The following LAMB4 variants were observed in gnomAD, a reference collection of about 807,000 sequenced individuals.
LAMB4 encodes the protein laminin subunit beta 4, also known as laminin subunit beta-4.
Under a neutral mutation model 199.2 loss-of-function variants are expected in LAMB4, and 196 were observed. That is an observed-to-expected ratio of 0.98 (90% CI 0.88 to 1.11). LAMB4 has a LOEUF of 1.11. Ranked by LOEUF, LAMB4 falls within the 50% of genes least tolerant of loss-of-function variation. The pLI, the probability that LAMB4 is intolerant of heterozygous loss-of-function variation, is 0.00. For missense variants in LAMB4, 2,080 were observed against 2,171.2 expected, an observed-to-expected ratio of 0.96 and a Z score of 0.83; for synonymous variants, 744 against 770.6, an observed-to-expected ratio of 0.97 and a Z score of 0.57.
intron 12 of LAMB4, among the ~76,000 whole-genome samples, chr7:108,094,393 C>T (rs2037520211): frequency 6.6e-6 from 1 of 151,782 alleles, no homozygotes; most frequent in Admixed American, 6.6e-5. Context: ...TTCCAGAATC[C>T]CTTCTTCATA....
intron 14 of LAMB4, among the ~76,000 whole-genome samples, chr7:108,083,278 A>G (rs2037028372): frequency 6.6e-6 from 1 of 152,138 alleles, no homozygotes; most frequent in South Asian, 2.1e-4. Flanking sequence ...CTCTGTCACA[A>G]TATAGCCCAA....
chr7:108,032,110 C>A (rs1207911095), intron 31 of LAMB4, among the ~76,000 whole-genome samples: 1 of 152,150 alleles, frequency 6.6e-6, no homozygotes, highest in Non-Finnish European at 1.5e-5. Flanking sequence ...CAATTTGTGG[C>A]TGGGCACGGT....
Position 108,105,924 on chromosome 7 carries a change from C to G in LAMB4, c.763G>C (p.Ala255Pro). ...CCCCGAACAATCATCTCGTACAGAGCATAGTAGTATTTATCAAGGGAATCA... is the reference window on the plus strand; with the variant it reads ...CCCCGAACAATCATCTCGTACAGAGGATAGTAGTATTTATCAAGGGAATCA... ...QNDSLDKYYYALYEMIVRGSC... is the reference protein window; with the variant it reads ...QNDSLDKYYYPLYEMIVRGSC... The change falls in exon 8 of 34, where the codon GCT becomes CCT. Residue 255 changes from alanine to proline, a missense_variant. Physicochemically the swap from Ala to Pro is conservative, Grantham distance 27. Coordinates refer to ENST00000388781, the MANE Select transcript of LAMB4 (RefSeq NM_007356.3). 1 of 1,614,196 alleles carries G rather than the reference C, an allele frequency of 6.2e-7. No homozygotes were observed. The highest frequency in any genetic ancestry group is 8.5e-7 in the Non-Finnish European group (1 of 1,180,020).
At chr7:108,063,618 C>T (rs191147175) in intron 22 of LAMB4, 143 bp downstream of exon 22, 37 of 737,048 alleles carry the variant, frequency 5.0e-5, no homozygotes, top group Middle Eastern at 3.9e-4. Flanking sequence ...TGATGAGTTC[C>T]GTACAACAGC....
At chr7:108,077,422 T>C (rs1053878808) in intron 16 of LAMB4, among the ~76,000 whole-genome samples, 1 of 152,154 alleles carries the variant, frequency 6.6e-6, no homozygotes, top group Non-Finnish European at 1.5e-5. Flanking sequence ...CGGCAGGGCA[T>C]GGTGGCTCAC....
At chr7:108,021,632 C>T (rs1323631217), downstream of LAMB4, among the ~76,000 whole-genome samples, 1 of 151,716 alleles carries the variant, frequency 6.6e-6, no homozygotes, top group East Asian at 1.9e-4. Flanking sequence ...TCGCATGAAG[C>T]CGGGAGGCTG....
chr7:108,119,432 G>T (rs1377317530), intron 2 of LAMB4, among the ~76,000 whole-genome samples: 1 of 152,132 alleles, frequency 6.6e-6, no homozygotes, highest in Admixed American at 6.5e-5. Context: ...TCTGTACCAT[G>T]GAACCTAGCA....
At chr7:108,102,423 A>T (rs1584755977) in intron 10 of LAMB4, among the ~76,000 whole-genome samples, 1 of 152,190 alleles carries the variant, frequency 6.6e-6, no homozygotes, top group African/African-American at 2.4e-5. Flanking sequence ...TGCAAAATAT[A>T]TGAGTTTACC....
At position 108,024,706 on chromosome 7, in the gene LAMB4, G is replaced by A. The variant is rs146343376; in HGVS notation, c.5147-528C>T. Among the ~76,000 whole-genome samples the A allele has an allele frequency of 2.6e-3, 335 of 130,638 alleles. 5 individuals carry two copies. The highest frequency in any genetic ancestry group is 0.013 in the African/African-American group (320 of 24,470). 85.7% of individuals were successfully genotyped at this position (130,638 alleles called of 152,430 possible). On this transcript the variant is annotated intron_variant, in intron 33 of 33. Transcript: ENST00000388781. ...CGACCCATCCATTGACCCATCCATCGATCCATTGATCCATCCATCCATCCA... is the reference window on the plus strand; with the variant it reads ...CGACCCATCCATTGACCCATCCATCAATCCATTGATCCATCCATCCATCCA...
In LAMB4 at chr7:108,029,127, C is replaced by G. The variant is rs2034941200; in HGVS notation, c.5062G>C (p.Glu1688Gln). Residue 1688 changes from glutamate to glutamine, a missense_variant, in exon 33 of 34, where the codon GAG (glutamate) becomes CAG (glutamine). Transcript: ENST00000388781. ...RKTSTTGLTKETLGKVKQLKD... is the reference protein window; with the variant it reads ...RKTSTTGLTKQTLGKVKQLKD... ...AGCTGTTTAACTTTTCCTAATGTCT[C>G]CTTTGTTAGTCCTGTAGTGCTTGTC... 1 of 1,613,902 alleles carries G rather than the reference C, an allele frequency of 6.2e-7. No homozygotes were observed. Among genetic ancestry groups the G allele is most frequent in the African/African-American group, 1.3e-5 (1 of 74,924 alleles).
At chr7:108,045,452 C>G (rs1168479582) in intron 28 of LAMB4, among the ~76,000 whole-genome samples, 1 of 152,210 alleles carries the variant, frequency 6.6e-6, no homozygotes, top group Non-Finnish European at 1.5e-5. Context: ...ACCATTTCAT[C>G]AACATGACAT....
At chr7:108,025,389 T>TTTCTTTC (rs1554420520) in intron 33 of LAMB4, among the ~76,000 whole-genome samples, 2 of 91,186 alleles carry the variant, frequency 2.2e-5, no homozygotes, top group African/African-American at 1.6e-4. Context: ...TTTTCTTTTC[T>TTTCTTTC]TTTCTTTCTT....
chr7:108,025,984 T>G (rs973265864), intron 33 of LAMB4, among the ~76,000 whole-genome samples: 1 of 152,176 alleles, frequency 6.6e-6, no homozygotes, highest in South Asian at 2.1e-4. Flanking sequence ...GGTCAGAGGA[T>G]AGGAGGATGA....
Position 108,103,184 on chromosome 7 carries a change from G to A in LAMB4, c.1040C>T (p.Thr347Met), listed in dbSNP as rs906717739. ...HSSRCHFDMT[T>M]YLASGGLSGG... ...GCTGAGGCCACCGCTTGCCAGGTACGTAGTCATGTCAAAGTGACAGCGGCT... is the reference window on the plus strand; with the variant it reads ...GCTGAGGCCACCGCTTGCCAGGTACATAGTCATGTCAAAGTGACAGCGGCT... The change falls in exon 10 of 34, where the codon ACG (threonine) becomes ATG (methionine). Residue 347 changes from threonine (T) to methionine (M), a missense_variant. Transcript: ENST00000388781. 6 of 1,596,368 alleles carry A rather than the reference G, an allele frequency of 3.8e-6. No individual in the cohort carries two copies. The highest frequency in any genetic ancestry group is 1.8e-5 in the Admixed American group (1 of 56,886).
intron 29 of LAMB4, among the ~76,000 whole-genome samples, chr7:108,039,699 A>C (rs960924924): frequency 6.6e-5 from 10 of 151,892 alleles, no homozygotes; most frequent in African/African-American, 2.4e-4. Flanking sequence ...ACACTCCTGA[A>C]CTCATGTGAT....
rs191356239 is a variant in LAMB4, at chr7:108,081,664, G to A, written c.1702-1878C>T. Among the ~76,000 whole-genome samples, 115 of 152,292 alleles carry A rather than the reference G, an allele frequency of 7.6e-4. No individual in the cohort carries two copies. The East Asian group carries it at 9.6e-3, about 13-fold the overall frequency. On this transcript the variant is annotated intron_variant, in intron 14 of 33. Coordinates refer to ENST00000388781, the MANE Select transcript of LAMB4 (RefSeq NM_007356.3). The stretch of plus-strand genomic sequence containing the variant: ...TACTGTTTGGCTGGCAGTGAGGGCC[G>A]TGGTGGGTGACATGCACTGATGATC...
chr7:108,083,803 T>C (rs888136770), intron 14 of LAMB4, among the ~76,000 whole-genome samples: 2 of 152,208 alleles, frequency 1.3e-5, no homozygotes, highest in Non-Finnish European at 2.9e-5. Context: ...CCAGTGACCA[T>C]GGTAATCTGG....
chr7:108,126,263 T>A (rs73428719), intron 1 of LAMB4, among the ~76,000 whole-genome samples: 5,618 of 152,274 alleles, frequency 0.037, 340 homozygotes, highest in African/African-American at 0.12. Context: ...TAATCATTTT[T>A]ACCTGTACAC....
At chr7:108,021,447 C>T (rs1003180660), downstream of LAMB4, among the ~76,000 whole-genome samples, 2 of 152,108 alleles carry the variant, frequency 1.3e-5, no homozygotes, top group African/African-American at 4.8e-5. Context: ...TGGTGGCTCA[C>T]GCCTGTAATC....
Sources: allele counts gnomAD v4.1 joint callset (sites outside exome capture counted in the v4.1 genomes callset), GRCh38; gene constraint gnomAD v4.1.1; transcripts MANE v1.5; gene names NCBI Gene and HGNC (gene_info 2026-07-23, HGNC 2026-07-21).